ERBB4: variants seen among roughly 807,000 people sequenced by gnomAD.
ERBB4 encodes receptor tyrosine-protein kinase erbB-4.
A neutral mutation model predicts 158.0 loss-of-function variants in ERBB4; 42 were observed. The observed-to-expected ratio is 0.27, with a 90% confidence interval of 0.21 to 0.34. The LOEUF is 0.34. Among genes scored for constraint, ERBB4 ranks in the 10% least tolerant of loss-of-function variants. The probability of loss-of-function intolerance (pLI) is 1.00; values close to 1 mark genes in which losing one functional copy is unlikely to be tolerated. For missense variants in ERBB4, 1,333 were observed against 1,624.1 expected (o/e 0.82, Z 3.08); for synonymous variants, 583 against 558.7 (o/e 1.04, Z -0.61).
At chr2:212,385,240 A>T (rs1033425095) in intron 1 of ERBB4, among the ~76,000 whole-genome samples, 1 of 151,728 alleles carries the variant, frequency 6.6e-6, no homozygotes, top group African/African-American at 2.4e-5. Context: ...AATATATTAT[A>T]CCTGTTAGGC....
intron 1 of ERBB4, among the ~76,000 whole-genome samples, chr2:212,242,890 G>A (rs1424849147): frequency 1.3e-5 from 2 of 152,144 alleles, no homozygotes; most frequent in East Asian, 3.9e-4. Context: ...GACCAAGTAC[G>A]GCTAAAGAAA....
intron 3 of ERBB4, among the ~76,000 whole-genome samples, chr2:211,851,701 G>A (rs2106034528): frequency 6.6e-6 from 1 of 152,056 alleles, no homozygotes; most frequent in East Asian, 1.9e-4. Flanking sequence ...AATAGCCCTT[G>A]CCTTCAAAAG....
intron 18 of ERBB4, among the ~76,000 whole-genome samples, chr2:211,623,081 G>A (rs2069697527): frequency 8.6e-6 from 1 of 116,292 alleles, no homozygotes; most frequent in Non-Finnish European, 1.7e-5. Context: ...TGTAGTAATG[G>A]ATATTACAAG....
chr2:211,994,515 T>C (rs2082152087), intron 2 of ERBB4, among the ~76,000 whole-genome samples: 1 of 152,218 alleles, frequency 6.6e-6, no homozygotes, highest in Non-Finnish European at 1.5e-5. Context: ...TATCTAGATT[T>C]TTTCCAGTAT....
At chr2:212,292,682 C>T (rs911029552) in intron 1 of ERBB4, among the ~76,000 whole-genome samples, 1 of 151,850 alleles carries the variant, frequency 6.6e-6, no homozygotes, top group Non-Finnish European at 1.5e-5. Flanking sequence ...CTTTTGATGA[C>T]CATTAATGCA....
At chr2:212,048,478 A>T (rs907268832) in intron 2 of ERBB4, among the ~76,000 whole-genome samples, 9 of 152,202 alleles carry the variant, frequency 5.9e-5, no homozygotes, top group African/African-American at 2.2e-4. Flanking sequence ...GGTAAAAATT[A>T]ATAAAATGGA....
chr2:211,521,748 C>T (rs1258570360), intron 20 of ERBB4, among the ~76,000 whole-genome samples: 2 of 152,090 alleles, frequency 1.3e-5, no homozygotes, highest in Non-Finnish European at 2.9e-5. Flanking sequence ...GAAATTGAAG[C>T]CAATGCTCAT....
At chr2:212,001,216 T>C (rs2076095673) in intron 2 of ERBB4, among the ~76,000 whole-genome samples, 1 of 152,122 alleles carries the variant, frequency 6.6e-6, no homozygotes, top group South Asian at 2.1e-4. Context: ...GGCTTTTATT[T>C]AAATTTCTAA....
intron 2 of ERBB4, among the ~76,000 whole-genome samples, chr2:211,951,802 G>C (rs764560428): frequency 1.3e-5 from 2 of 152,046 alleles, no homozygotes; most frequent in Non-Finnish European, 2.9e-5. Flanking sequence ...CAAAAACTAA[G>C]CATTAGCCTA....
chr2:211,985,919 T>C (rs1000082356), intron 2 of ERBB4, among the ~76,000 whole-genome samples: 1 of 152,106 alleles, frequency 6.6e-6, no homozygotes, highest in African/African-American at 2.4e-5. Flanking sequence ...TTCCCAAAAT[T>C]TCATGTCCAC....
intron 3 of ERBB4, among the ~76,000 whole-genome samples, chr2:211,895,214 G>A (rs1478474991): frequency 6.6e-6 from 1 of 152,022 alleles, no homozygotes; most frequent in Admixed American, 6.6e-5. Context: ...AGGTAACCTA[G>A]GATCCCTCTC....
intron 2 of ERBB4, among the ~76,000 whole-genome samples, chr2:211,982,929 T>C (rs951375836): frequency 6.6e-6 from 1 of 152,254 alleles, no homozygotes; most frequent in African/African-American, 2.4e-5. Context: ...GTCTATCCTT[T>C]ACAATGGTTC....
chr2:212,176,973 T>C (rs907988271), intron 1 of ERBB4, among the ~76,000 whole-genome samples: 3 of 151,890 alleles, frequency 2.0e-5, no homozygotes, highest in Non-Finnish European at 4.4e-5. Flanking sequence ...TTTTTCTTTA[T>C]ATACAAATGA....
intron 3 of ERBB4, among the ~76,000 whole-genome samples, chr2:211,877,074 A>G (rs1355668351): frequency 6.6e-6 from 1 of 152,186 alleles, no homozygotes; most frequent in East Asian, 1.9e-4. Flanking sequence ...TTCTTTAGCT[A>G]AATGTAGTCA....
At chr2:211,475,587 C>A (rs1422475710) in intron 20 of ERBB4, among the ~76,000 whole-genome samples, 2 of 152,026 alleles carry the variant, frequency 1.3e-5, no homozygotes, top group Admixed American at 1.3e-4. Context: ...ACATCATATA[C>A]CAACTACCGT....
chr2:212,229,840 T>C (rs1395004922), intron 1 of ERBB4, among the ~76,000 whole-genome samples: 2 of 152,218 alleles, frequency 1.3e-5, no homozygotes, highest in African/African-American at 2.4e-5. Context: ...GAGTCCCATT[T>C]TCCTGACTCA....
chr2:211,857,793 C>G (rs2077909198), intron 3 of ERBB4, among the ~76,000 whole-genome samples: 1 of 152,122 alleles, frequency 6.6e-6, no homozygotes, highest in Non-Finnish European at 1.5e-5. Context: ...ACAAGTAGCT[C>G]AAGAGGCAAG....
chr2:211,874,128 G>A (rs2106124033), intron 3 of ERBB4, among the ~76,000 whole-genome samples: 1 of 152,158 alleles, frequency 6.6e-6, no homozygotes, highest in Admixed American at 6.5e-5. Context: ...TCACATCACT[G>A]CATTCCAGTC....
At chr2:211,527,555 G>A (rs914670456) in intron 20 of ERBB4, among the ~76,000 whole-genome samples, 1 of 151,916 alleles carries the variant, frequency 6.6e-6, no homozygotes. Flanking sequence ...ATACAAAATA[G>A]TATAACACTG....
Sources: allele counts gnomAD v4.1 joint callset (sites outside exome capture counted in the v4.1 genomes callset), GRCh38; gene constraint gnomAD v4.1.1; transcripts MANE v1.5; gene names NCBI Gene and HGNC (gene_info 2026-07-23, HGNC 2026-07-21).